PTPRQ: variants seen among roughly 807,000 people sequenced by gnomAD.
The protein encoded by PTPRQ is phosphatidylinositol phosphatase PTPRQ.
A neutral mutation model predicts 246.0 loss-of-function variants in PTPRQ; 199 were observed. That is an observed-to-expected ratio of 0.81 (90% CI 0.72 to 0.91). The LOEUF (loss-of-function observed/expected upper bound fraction) is 0.91, where lower values mean the gene tolerates loss of function less well. PTPRQ is among the 40% of genes least tolerant of loss of function. The pLI is 0.00. For missense variants in PTPRQ, 2,624 were observed against 2,528.4 expected (o/e 1.04, Z -0.81); for synonymous variants, 869 against 853.2 (o/e 1.02, Z -0.32).
At chr12:80,489,662 C>G (rs996447032) in intron 9 of PTPRQ, among the ~76,000 whole-genome samples, 2 of 151,838 alleles carry the variant, frequency 1.3e-5, no homozygotes, top group Admixed American at 1.3e-4. Context: ...TTGAATGGAG[C>G]CAAATTGAGC....
intron 25 of PTPRQ, among the ~76,000 whole-genome samples, chr12:80,569,590 T>G (rs1897084722): frequency 6.6e-6 from 1 of 151,428 alleles, no homozygotes; most frequent in Non-Finnish European, 1.5e-5. Context: ...CAAAAAAAAT[T>G]TGATTTTTTT....
At chr12:80,650,816 T>C (rs931804624) in intron 37 of PTPRQ, among the ~76,000 whole-genome samples, 1 of 143,702 alleles carries the variant, frequency 7.0e-6, no homozygotes, top group Non-Finnish European at 1.5e-5. Context: ...AAAAGTTTTA[T>C]TAGCAATAAC....
At chr12:80,623,398 A>C (rs905700054) in intron 33 of PTPRQ, among the ~76,000 whole-genome samples, 2 of 152,174 alleles carry the variant, frequency 1.3e-5, no homozygotes, top group Non-Finnish European at 2.9e-5. Flanking sequence ...TGGTTTGATT[A>C]ATTTTACCCA....
chr12:80,535,965 G>T (rs1000932835), intron 19 of PTPRQ, among the ~76,000 whole-genome samples: 2 of 152,164 alleles, frequency 1.3e-5, no homozygotes, highest in Non-Finnish European at 2.9e-5. Flanking sequence ...AAATTAGCCA[G>T]GCGTCGTGGC....
At chr12:80,473,047 G>GCGCGCACA (rs758446731) in intron 8 of PTPRQ, among the ~76,000 whole-genome samples, 20 of 145,574 alleles carry the variant, frequency 1.4e-4, no homozygotes, top group Non-Finnish European at 7.5e-5. Flanking sequence ...TCACACACAC[G>GCGCGCACA]CACACACACA....
Position 80,649,638 on chromosome 12 carries a change from A to G in PTPRQ, c.5993A>G (p.Asn1998Ser). The G allele has an allele frequency of 6.5e-7, 1 of 1,549,578 alleles. No homozygotes were observed. ...FLQHVEELCT[N>S]NNLKFQEEFS... ...CAACATGTTGAAGAGCTTTGCACAA[A>G]CAACAACCTAAAGTTTCAAGAAGAA... The change falls in exon 37 of 45, where the codon AAC (asparagine) becomes AGC (serine). Residue 1998 changes from asparagine (N) to serine (S), a missense_variant. By Grantham distance (46) the Asn-to-Ser change is conservative (BLOSUM62 1). Transcript: ENST00000644991.
intron 25 of PTPRQ, among the ~76,000 whole-genome samples, chr12:80,567,268 A>C (rs1169987482): frequency 6.6e-6 from 1 of 152,188 alleles, no homozygotes; most frequent in Non-Finnish European, 1.5e-5. Flanking sequence ...TAGTACTTTT[A>C]ATTTCTATAT....
intron 17 of PTPRQ, among the ~76,000 whole-genome samples, chr12:80,514,793 T>A (rs1895242100): frequency 6.8e-6 from 1 of 146,742 alleles, no homozygotes; most frequent in Non-Finnish European, 1.5e-5. Flanking sequence ...TTATATATAT[T>A]TTTTCTTATT....
intron 27 of PTPRQ, among the ~76,000 whole-genome samples, chr12:80,608,070 A>C (rs2121092015): frequency 6.6e-6 from 1 of 150,904 alleles, no homozygotes; most frequent in Non-Finnish European, 1.5e-5. Flanking sequence ...TTCATAGAGC[A>C]GGTTAAATAT....
At chr12:80,508,576 G>A (rs1565753390) in intron 16 of PTPRQ, among the ~76,000 whole-genome samples, 1 of 152,002 alleles carries the variant, frequency 6.6e-6, no homozygotes, top group Non-Finnish European at 1.5e-5. Flanking sequence ...AGATTGTGAA[G>A]TTTCTTCTCA....
At chr12:80,479,354 T>C (rs1229017715) in intron 8 of PTPRQ, among the ~76,000 whole-genome samples, 23 of 150,328 alleles carry the variant, frequency 1.5e-4, no homozygotes, top group South Asian at 4.2e-4. Context: ...CCAGGCCTGC[T>C]CTAAAAGAGC....
chr12:80,646,870 T>C (rs1900093850), intron 35 of PTPRQ, among the ~76,000 whole-genome samples: 1 of 152,150 alleles, frequency 6.6e-6, no homozygotes, highest in South Asian at 2.1e-4. Context: ...AAAAAATGTA[T>C]ATTTATTCAA....
intron 9 of PTPRQ, among the ~76,000 whole-genome samples, chr12:80,492,997 A>T (rs769097841): frequency 1.3e-5 from 2 of 151,934 alleles, no homozygotes; most frequent in Non-Finnish European, 2.9e-5. Flanking sequence ...TTATCTTACC[A>T]TAAAGAAACC....
chr12:80,483,643 G>C (rs1341268938), intron 8 of PTPRQ, among the ~76,000 whole-genome samples: 1 of 152,038 alleles, frequency 6.6e-6, no homozygotes, highest in Non-Finnish European at 1.5e-5. Flanking sequence ...GTATAGGTTT[G>C]TTACATAGGT....
chr12:80,462,757 G>A (rs1195043255), intron 6 of PTPRQ: 1 of 149,570 alleles, frequency 6.7e-6, no homozygotes, highest in Non-Finnish European at 1.4e-5. Context: ...AGGCTAACAG[G>A]GTCTGGAGTA....
intron 3 of PTPRQ, among the ~76,000 whole-genome samples, chr12:80,450,267 G>A (rs1892710154): frequency 6.6e-6 from 1 of 152,154 alleles, no homozygotes; most frequent in South Asian, 2.1e-4. Context: ...TCAGCTTAAG[G>A]AGATTTTGGG....
At chr12:80,520,132 C>T (rs910723891) in intron 17 of PTPRQ, among the ~76,000 whole-genome samples, 1 of 151,962 alleles carries the variant, frequency 6.6e-6, no homozygotes, top group African/African-American at 2.4e-5. Context: ...CTCTCAGCCT[C>T]GTGGTCTCTA....
rs1377302833 is a variant in PTPRQ, at chr12:80,495,222, A to G, written c.1733A>G (p.Lys578Arg). 5.2e-6 allele frequency: 8 copies of G among 1,538,664 alleles called. No individual in the cohort carries two copies. The highest frequency in any genetic ancestry group is 7.0e-6 in the Non-Finnish European group (8 of 1,142,952). Residue 578 changes from lysine to arginine, a missense_variant, in exon 12 of 45, where the codon AAA becomes AGA. Coordinates refer to ENST00000644991, the MANE Select transcript of PTPRQ (RefSeq NM_001145026.2). ...VPSSIKIINY[K>R]NISSSSILLY... ...AGCTCCATTAAAATTATAAACTATA[A>G]AAATATTAGTTCTTCATCTATTTTG...
At chr12:80,563,063 T>C (rs1896874505) in intron 25 of PTPRQ, among the ~76,000 whole-genome samples, 2 of 152,152 alleles carry the variant, frequency 1.3e-5, no homozygotes. Flanking sequence ...ATAGGTAATT[T>C]GAATATTTTG....
Sources: gnomAD v4.1 joint callset for allele counts (sites outside exome capture counted in the v4.1 genomes callset) on GRCh38, gnomAD v4.1.1 for gene constraint, MANE v1.5 for transcripts, NCBI Gene and HGNC (gene_info 2026-07-23, HGNC 2026-07-21) for gene names.